STC1: variants seen among roughly 807,000 people sequenced by gnomAD.
STC1 encodes stanniocalcin 1, also known as stanniocalcin-1.
Under a neutral mutation model 22.6 loss-of-function variants are expected in STC1, and 7 were observed. That is an observed-to-expected ratio of 0.31 (90% CI 0.18 to 0.58). The LOEUF is 0.58. Among genes scored for constraint, STC1 ranks in the 20% least tolerant of loss-of-function variants. The pLI is 0.89. For synonymous variants in STC1, 113 were observed against 120.7 expected, an observed-to-expected ratio of 0.94 and a Z score of 0.42; for missense variants, 224 against 311.0, an observed-to-expected ratio of 0.72 and a Z score of 2.10.
rs1802679764 is a variant in STC1 at position 23,854,714 on chromosome 8, T to C, written c.-191A>G. The stretch of plus-strand genomic sequence containing the variant: ...CTGCCACCGGTGCCTCCGCTGCTGC[T>C]GCTGCTGCCGCCGCTGCTGCTGCTG... On this transcript the variant is annotated 5_prime_UTR_variant, in exon 1 of 4. Transcript: ENST00000290271. 8.8e-6 allele frequency: 6 copies of C among 681,732 alleles called. No homozygotes were observed. Among genetic ancestry groups the C allele is most frequent in the South Asian group, 3.0e-5 (2 of 67,252 alleles). The allele number at this position is 681,732 out of a possible 1,614,324, so 42.2% of individuals were successfully genotyped here.
rs1208474598 is a variant in STC1 at position 23,854,420 on chromosome 8, G to A, written c.104C>T (p.Ala35Val). ...TTGCTGCTTACCTGAGTTTTGAGCC[G>A]CCACTCGGGATTTCCTGGGGCTCAC... ...DSVSPRKSRV[A>V]AQNSAEVVRC... Residue 35 changes from alanine (A) to valine (V), a missense_variant, in exon 1 of 4, where the codon GCG (alanine) becomes GTG (valine). Ala to Val is a moderately conservative substitution (Grantham distance 64, BLOSUM62 0). Transcript: ENST00000290271. 6 of 1,613,928 alleles carry A rather than the reference G, an allele frequency of 3.7e-6. No individual in the cohort carries two copies. Among genetic ancestry groups the A allele is most frequent in the African/African-American group, 1.3e-5 (1 of 74,892 alleles).
At position 23,842,451 on chromosome 8, in the gene STC1, A is replaced by G. The variant is rs1379129917; in HGVS notation, c.*2319T>C. 7.8e-6 allele frequency: 1 copy of G among 127,458 alleles called. No individual in the cohort carries two copies. Among genetic ancestry groups the G allele is most frequent in the Non-Finnish European group, 1.6e-5 (1 of 63,140 alleles). The allele number at this position is 127,458 out of a possible 1,614,324, so 7.9% of individuals were successfully genotyped here. On this transcript the variant is annotated 3_prime_UTR_variant, in exon 4 of 4. Coordinates refer to ENST00000290271, the MANE Select transcript of STC1 (RefSeq NM_003155.3). The stretch of plus-strand genomic sequence containing the variant: ...ATATAGATATCATCGTGGGGAGAAA[A>G]GGGGGGGTACCACGGTTTGAAGAGG...
chr8:23,845,048 A>G lies in STC1; in HGVS notation c.474-8T>C, dbSNP rs544941491. 75 of 1,613,446 alleles carry G rather than the reference A, an allele frequency of 4.6e-5. 2 individuals are homozygous for G. In the South Asian group the frequency reaches 7.6e-4, roughly 16 times the overall value. ...ACAAGTCTGTTATAGTATCTGCATC[A>G]AGAAAGAGAGTGCATATGGTGGTCA... On this transcript the variant is annotated splice_polypyrimidine_tract_variant and splice_region_variant and intron_variant, in intron 3 of 3. Transcript: ENST00000290271.
intron 3 of STC1, among the ~76,000 whole-genome samples, 197 bp downstream of exon 3, chr8:23,851,120 CAGT>C (rs1475862472): frequency 6.6e-6 from 1 of 151,722 alleles, no homozygotes; most frequent in East Asian, 1.9e-4. Context: ...TTTCCTATAA[CAGT>C]AGGGAAAAAA....
intron 2 of STC1, among the ~76,000 whole-genome samples, 200 bp downstream of exon 2, chr8:23,852,042 C>A (rs1802643980): frequency 6.6e-6 from 1 of 151,624 alleles, no homozygotes; most frequent in Non-Finnish European, 1.5e-5. Context: ...TATTTCCTGG[C>A]CAGATGAGTG....
chr8:23,854,441 CTCACAGAG>C lies in STC1; in HGVS notation c.75_82del (p.Asp25GlufsTer14). ...AGCCGCCACTCGGGATTTCCTGGGG[CTCACAGAG>C]TCATTCTGCTCCGCCTCATGGGTTG... On this transcript the variant is annotated frameshift_variant, in exon 1 of 4. Transcript: ENST00000290271. LOFTEE classifies it high-confidence loss of function. 6.2e-7 allele frequency: 1 copy of C among 1,614,168 alleles called. No homozygotes were observed. The highest frequency in any genetic ancestry group is 8.5e-7 in the Non-Finnish European group (1 of 1,180,026).
At chr8:23,847,732 CAGCAAGAGTTGACTT>C in intron 3 of STC1, among the ~76,000 whole-genome samples, 1 of 152,302 alleles carries the variant, frequency 6.6e-6, no homozygotes, top group East Asian at 1.9e-4. Flanking sequence ...GTTGTGTCTC[CAGCAAGAGTTGACTT>C]AGCAATCGTC....
rs10638798 is a variant in STC1 at position 23,842,484 on chromosome 8, C to CAAAAAAAAAAAAAAAAAAAAAA, written c.*2285_*2286insTTTTTTTTTTTTTTTTTTTTTT. 1 of 80,146 alleles carries CAAAAAAAAAAAAAAAAAAAAAA rather than the reference C, an allele frequency of 1.2e-5. No homozygotes were observed. The highest frequency in any genetic ancestry group is 2.3e-5 in the Non-Finnish European group (1 of 43,228). The allele number at this position is 80,146 out of a possible 1,614,324, so 5.0% of individuals were successfully genotyped here. A position where few individuals can be genotyped will look rare whatever the true frequency, so the allele number is the denominator to read the frequency against. On this transcript the variant is annotated 3_prime_UTR_variant, in exon 4 of 4. Coordinates refer to ENST00000290271, the MANE Select transcript of STC1 (RefSeq NM_003155.3). ...TACCACGGTTTGAAGAGGTCACAGC[C>CAAAAAAAAAAAAAAAAAAAAAA]AAAAAAAAAAAAAAAAAAAAAGAAA...
In STC1 at chr8:23,846,000, C is replaced by T. The variant is rs114519229; in HGVS notation, c.474-960G>A. On this transcript the variant is annotated intron_variant, in intron 3 of 3. Coordinates refer to ENST00000290271, the MANE Select transcript of STC1 (RefSeq NM_003155.3). ...GTCCTTCTTTGTATTCCTTATGGCC[C>T]GGTGCCATCGTGCTACATTGCCTGA... is the stretch of plus-strand genomic sequence containing the variant. Among the ~76,000 whole-genome samples, 1,434 of 152,264 alleles carry T rather than the reference C, an allele frequency of 9.4e-3. 23 individuals are homozygous for T. Among genetic ancestry groups the T allele is most frequent in the African/African-American group, 0.033 (1,366 of 41,552 alleles).
intron 3 of STC1, among the ~76,000 whole-genome samples, chr8:23,848,796 C>T (rs1479367111): frequency 2.0e-5 from 3 of 151,874 alleles, no homozygotes; most frequent in South Asian, 2.1e-4. Context: ...TGCCTAGGAA[C>T]GTTCTGTGTG....
rs75787623 is a variant in STC1, at chr8:23,845,379, G to T, written c.474-339C>A. 7.6e-3 allele frequency among the ~76,000 whole-genome samples: 1,151 copies of T among 152,198 alleles called. 14 individuals carry two copies. Among genetic ancestry groups the T allele is most frequent in the African/African-American group, 0.026 (1,071 of 41,518 alleles). ...TAGCTGGGACCACAGAGACCATTTG[G>T]TGACTAGTTCAACTCTCATTTTGTA... is the stretch of plus-strand genomic sequence containing the variant. On this transcript the variant is annotated intron_variant, in intron 3 of 3. Coordinates refer to ENST00000290271, the MANE Select transcript of STC1 (RefSeq NM_003155.3).
At chr8:23,853,311 ACCCGCAG>A (rs1205063110) in intron 1 of STC1, among the ~76,000 whole-genome samples, 1 of 148,174 alleles carries the variant, frequency 6.7e-6, no homozygotes, top group Non-Finnish European at 1.5e-5. Context: ...CCCTCCCACC[ACCCGCAG>A]CCTCTAGGAT....
rs1162386350 is a variant in STC1, at chr8:23,844,513, G to A, written c.*257C>T. ...GGGAGCAGGGGAAAAACATGGCAGA[G>A]GAAGTTGGTAAAAGAGGGTACTTTC... On this transcript the variant is annotated 3_prime_UTR_variant, in exon 4 of 4. Coordinates refer to ENST00000290271, the MANE Select transcript of STC1 (RefSeq NM_003155.3). 2.2e-5 allele frequency: 11 copies of A among 503,910 alleles called. No individual in the cohort carries two copies. Among genetic ancestry groups the A allele is most frequent in the Non-Finnish European group, 3.9e-5 (11 of 280,258 alleles). 31.2% of individuals were successfully genotyped at this position (503,910 alleles called of 1,614,324 possible). A position where few individuals can be genotyped will look rare whatever the true frequency, so the allele number is the denominator to read the frequency against.
At chr8:23,851,586 T>A in intron 2 of STC1, 55 bp from the exon 3 acceptor site, 1 of 1,554,638 alleles carries the variant, frequency 6.4e-7, no homozygotes. Context: ...ACAAAGAGGA[T>A]GGGCATATAC....
intron 3 of STC1, among the ~76,000 whole-genome samples, chr8:23,850,540 C>T (rs1004018700): frequency 2.0e-5 from 3 of 152,122 alleles, no homozygotes; most frequent in African/African-American, 7.2e-5. Flanking sequence ...ACTGAGGATG[C>T]CAGCTGTCTC....
At position 23,852,162 on chromosome 8, in the gene STC1, A is replaced by T; in HGVS notation, c.261+80T>A. 1.9e-6 allele frequency: 3 copies of T among 1,589,206 alleles called. No homozygotes were observed. In the South Asian group the frequency reaches 3.4e-5, roughly 18 times the overall value. ...TGAGAAGCAGGGCTGGTTCCCTACA[A>T]GACTGGTTCCTAAGAACCATGGTCT... On this transcript the variant is annotated intron_variant, in intron 2 of 3. Coordinates refer to ENST00000290271, the MANE Select transcript of STC1 (RefSeq NM_003155.3).
intron 3 of STC1, among the ~76,000 whole-genome samples, chr8:23,847,405 G>C (rs2117739355): frequency 6.6e-6 from 1 of 152,298 alleles, no homozygotes; most frequent in Admixed American, 6.5e-5. Flanking sequence ...ACCCTTGCCA[G>C]CCTGAGGGCT....
At chr8:23,846,332 T>A (rs1802572756) in intron 3 of STC1, among the ~76,000 whole-genome samples, 1 of 152,180 alleles carries the variant, frequency 6.6e-6, no homozygotes, top group African/African-American at 2.4e-5. Flanking sequence ...TAGACTGGGA[T>A]GCATTTGGTC....
rs963736911 is a variant in STC1, at chr8:23,853,196, A to AG, written c.119-813dup. Among the ~76,000 whole-genome samples the AG allele has an allele frequency of 2.6e-5, 4 of 152,142 alleles. No homozygotes were observed. The East Asian group carries it at 5.8e-4, about 22-fold the overall frequency. ...ATAAAAGTAATTTTTCTCCCACAGA[A>AG]GGGGGGTGTTCTGGCAGGCAGCTAG... On this transcript the variant is annotated intron_variant, in intron 1 of 3. Transcript: ENST00000290271.
Sources: allele counts gnomAD v4.1 joint callset (sites outside exome capture counted in the v4.1 genomes callset), GRCh38; gene constraint gnomAD v4.1.1; transcripts MANE v1.5; gene names NCBI Gene and HGNC (gene_info 2026-07-23, HGNC 2026-07-21).